RALGDS: variants seen among roughly 807,000 people sequenced by gnomAD.
RALGDS encodes the protein ral guanine nucleotide dissociation stimulator.
In RALGDS, 44 loss-of-function variants were observed where a neutral mutation model predicts 99.8. The ratio of observed to expected loss-of-function variants is 0.44; its 90% CI spans 0.35 to 0.57. The LOEUF is 0.57. Among genes scored for constraint, RALGDS ranks in the 20% least tolerant of loss-of-function variants. The pLI is 0.01. For missense variants in RALGDS, 1,022 were observed against 1,203.1 expected (o/e 0.85, Z 2.23); for synonymous variants, 529 against 505.0 (o/e 1.05, Z -0.64).
At chr9:133,107,863 G>A in intron 6 of RALGDS, 125 bp downstream of exon 6, 1 of 1,255,812 alleles carries the variant, frequency 8.0e-7, no homozygotes, top group Non-Finnish European at 1.1e-6. Flanking sequence ...TGGTTACTTG[G>A]TGTGTAGCAG....
intron 2 of RALGDS, 27 bp from the exon 3 acceptor site, chr9:133,110,516 C>G (rs560891609): frequency 6.4e-7 from 1 of 1,572,756 alleles, no homozygotes; most frequent in Admixed American, 1.7e-5. Context: ...GAGGGACAGA[C>G]AGTCAGTGGC....
intron 1 of RALGDS, among the ~76,000 whole-genome samples, chr9:133,129,795 G>T (rs1046933441): frequency 6.7e-6 from 1 of 149,570 alleles, no homozygotes; most frequent in Non-Finnish European, 1.5e-5. Flanking sequence ...ACCCAGGCAC[G>T]AGATTTCCTT....
Position 133,144,139 on chromosome 9 carries a change from C to G in RALGDS, c.18+4824G>C, listed in dbSNP as rs915556166. Among the ~76,000 whole-genome samples the G allele has an allele frequency of 4.2e-4, 64 of 152,154 alleles. No individual in the cohort carries two copies. Among genetic ancestry groups the G allele is most frequent in the African/African-American group, 1.5e-3 (64 of 41,428 alleles). On this transcript the variant is annotated intron_variant, in intron 1 of 17. Transcript: ENST00000393160. This position sits in a 1 kb window ranked among gnomAD's most constrained non-coding sequence, Gnocchi z 4.5. ...GTGCCCAGGGCTGCCTTCCGAGCAC[C>G]CGCAGACCTGGGCCTGCAGTAACAG...
At chr9:133,137,976 G>A (rs1339998951) in intron 1 of RALGDS, among the ~76,000 whole-genome samples, 3 of 152,216 alleles carry the variant, frequency 2.0e-5, no homozygotes, top group Non-Finnish European at 4.4e-5. Flanking sequence ...TCGGGCCAGG[G>A]GAACCAGGAC....
chr9:133,134,697 G>A (rs1832396515), upstream of RALGDS, among the ~76,000 whole-genome samples: 1 of 152,180 alleles, frequency 6.6e-6, no homozygotes, highest in Non-Finnish European at 1.5e-5. Flanking sequence ...AGGAGGCCTA[G>A]GCTGGGGACT....
intron 1 of RALGDS, among the ~76,000 whole-genome samples, chr9:133,143,771 T>TAAC (rs759265482): frequency 0.033 from 3,671 of 111,296 alleles, 74 homozygotes; most frequent in Non-Finnish European, 0.047. Flanking sequence ...ATAATAATAA[T>TAAC]AACAACAACA....
intron 8 of RALGDS, among the ~76,000 whole-genome samples, chr9:133,106,290 CA>C (rs1324049757): frequency 6.6e-6 from 1 of 151,966 alleles, no homozygotes; most frequent in Non-Finnish European, 1.5e-5. Flanking sequence ...GTGCAGTGGC[CA>C]GATGTCGACT....
In RALGDS at chr9:133,098,551, T is replaced by C; in HGVS notation, c.*36A>G. 1 of 1,611,656 alleles carries C rather than the reference T, an allele frequency of 6.2e-7. No homozygotes were observed. The highest frequency in any genetic ancestry group is 8.5e-7 in the Non-Finnish European group (1 of 1,178,978). ...CTGGGCCACTCTGGTCCATAAGTGC[T>C]TGGCTACCAGCCAGCCAGACCCTGG... On this transcript the variant is annotated 3_prime_UTR_variant, in exon 18 of 18. Transcript: ENST00000372050.
intron 17 of RALGDS, chr9:133,099,169 G>A (rs1350710468): frequency 2.3e-5 from 5 of 216,014 alleles, no homozygotes; most frequent in Admixed American, 1.0e-4. Context: ...GGGCTCTGGC[G>A]CCCGTTCCAG....
In RALGDS at chr9:133,105,908, C is replaced by CGCCCCAGCCCCAGCCCCA. The variant is rs1564232348; in HGVS notation, c.1602+23_1602+24insTGGGGCTGGGGCTGGGGC. 66 of 1,015,714 alleles carry CGCCCCAGCCCCAGCCCCA rather than the reference C, an allele frequency of 6.5e-5. 3 individuals carry two copies. In the African/African-American group the frequency reaches 1.6e-3, roughly 24 times the overall value. The allele number at this position is 1,015,714 out of a possible 1,614,324, so 62.9% of individuals were successfully genotyped here. A position where few individuals can be genotyped will look rare whatever the true frequency, so the allele number is the denominator to read the frequency against. ...CCGCCCCAGCCCCCGCCCCAGCCCC[C>CGCCCCAGCCCCAGCCCCA]GCCCCAGCCTGCCGCCACTCCACCT... is the stretch of plus-strand genomic sequence containing the variant. On this transcript the variant is annotated intron_variant, in intron 9 of 17. Transcript: ENST00000372050.
At chr9:133,101,801 G>GT in intron 15 of RALGDS, 39 bp from the exon 16 acceptor site, 1 of 1,570,084 alleles carries the variant, frequency 6.4e-7, no homozygotes, top group Non-Finnish European at 8.6e-7. Context: ...CCACTGCCCT[G>GT]TGGGGGCACC....
rs1588534123 is a variant in RALGDS at position 133,112,058 on chromosome 9, C to T, written c.278G>A (p.Gly93Glu). Residue 93 changes from glycine to glutamate, a missense_variant, in exon 2 of 18, where the codon GGG becomes GAG. Transcript: ENST00000372050. ...CGCACTCACCCCGAGCCAGCGCTGC[C>T]CCTTGTTGCCTCCGTGGTGCAGCTG... ...KVQLHHGGNK[G>E]QRWLGYENES... The T allele has an allele frequency of 6.3e-7, 1 of 1,580,584 alleles. No homozygotes were observed. The highest frequency in any genetic ancestry group is 8.6e-7 in the Non-Finnish European group (1 of 1,162,196).
chr9:133,103,128 C>T, intron 12 of RALGDS, 102 bp downstream of exon 12: 1 of 1,498,648 alleles, frequency 6.7e-7, no homozygotes, highest in South Asian at 1.1e-5. Context: ...CCAAATGTCC[C>T]ATGTCCCATG....
At chr9:133,101,413 C>A (rs781742252) in intron 16 of RALGDS, 107 bp downstream of exon 16, 8 of 1,587,786 alleles carry the variant, frequency 5.0e-6, no homozygotes, top group Non-Finnish European at 6.8e-6. Context: ...TCTGTCCTTC[C>A]CCGCCAACTA....
upstream of RALGDS, among the ~76,000 whole-genome samples, chr9:133,122,359 TG>T (rs1240360479): frequency 1.3e-5 from 2 of 152,238 alleles, no homozygotes. Context: ...CAGCAATTGC[TG>T]CCAGCAGCCC....
rs1187166199 is a variant in RALGDS, at chr9:133,107,067, G to A, written c.1413+18C>T. The stretch of plus-strand genomic sequence containing the variant: ...AGATGAAGCCAAAGTGGGGGCCCAG[G>A]CCCCTCCTCTGGCATACCCTGGCCA... On this transcript the variant is annotated intron_variant, in intron 7 of 17. Coordinates refer to ENST00000372050, the MANE Select transcript of RALGDS (RefSeq NM_006266.4). 1.2e-6 allele frequency: 2 copies of A among 1,612,548 alleles called. No homozygotes were observed. Among genetic ancestry groups the A allele is most frequent in the East Asian group, 2.2e-5 (1 of 44,888 alleles).
At chr9:133,106,620 G>A (rs769470024) in intron 8 of RALGDS, 25 bp downstream of exon 8, 1 of 1,546,114 alleles carries the variant, frequency 6.5e-7, no homozygotes, top group Non-Finnish European at 8.9e-7. Context: ...TGGTGCACCA[G>A]GAGCTCCTAC....
At chr9:133,123,080 C>T (rs1588556194), upstream of RALGDS, among the ~76,000 whole-genome samples, 1 of 152,156 alleles carries the variant, frequency 6.6e-6, no homozygotes, top group Admixed American at 6.5e-5. Context: ...GTTTAGGAAG[C>T]CTCCAAGCCG....
At chr9:133,119,879 G>A (rs1456418934) in intron 1 of RALGDS, among the ~76,000 whole-genome samples, 2 of 152,162 alleles carry the variant, frequency 1.3e-5, no homozygotes, top group East Asian at 1.9e-4. Flanking sequence ...TCTAGGTACC[G>A]GGACACCAAG....
Sources: gnomAD v4.1 joint callset for allele counts (sites outside exome capture counted in the v4.1 genomes callset) on GRCh38, gnomAD v4.1.1 for gene constraint, Gnocchi (gnomAD v3.1) non-coding constraint, MANE v1.5 for transcripts, NCBI Gene and HGNC (gene_info 2026-07-23, HGNC 2026-07-21) for gene names.